Variants in FHIP2B observed in about 807,000 individuals in gnomAD.
FHIP2B encodes the protein FHF complex subunit HOOK-interacting protein 2B.
In FHIP2B, 72 loss-of-function variants were observed where a neutral mutation model predicts 84.0. The observed-to-expected ratio is 0.86, with a 90% CI of 0.71 to 1.04. The LOEUF is 1.04. Among genes scored for constraint, FHIP2B ranks in the 50% least tolerant of loss-of-function variants. The probability of loss-of-function intolerance (pLI) is 0.00; values close to 1 mark genes in which losing one functional copy is unlikely to be tolerated. For missense variants in FHIP2B, 972 were observed against 968.9 expected, an observed-to-expected ratio of 1.00 and a Z score of -0.04; for synonymous variants, 497 against 418.7, an observed-to-expected ratio of 1.19 and a Z score of -2.28.
intron 3 of FHIP2B, chr8:22,096,912 T>A: frequency 5.7e-6 from 1 of 174,518 alleles, no homozygotes; most frequent in Non-Finnish European, 1.2e-5. Flanking sequence ...GGCATGGTGA[T>A]GCGTGCCTGT....
chr8:22,098,887 T>C (rs1586334880), intron 7 of FHIP2B, 61 bp from the exon 8 acceptor site: 20 of 1,394,756 alleles, frequency 1.4e-5, no homozygotes, highest in South Asian at 9.9e-5. Flanking sequence ...TCAGGACACA[T>C]TGAGGAAGAC....
At chr8:22,094,620 C>G in intron 2 of FHIP2B, 102 bp downstream of exon 2, 1 of 1,570,886 alleles carries the variant, frequency 6.4e-7, no homozygotes, top group South Asian at 1.1e-5. Flanking sequence ...GTAACCTGCC[C>G]AGTCGTTCAG....
intron 5 of FHIP2B, 49 bp downstream of exon 5, chr8:22,097,888 G>A: frequency 6.3e-7 from 1 of 1,597,768 alleles, no homozygotes; most frequent in Non-Finnish European, 8.6e-7. Flanking sequence ...GAACCCCAGG[G>A]CAAGCCCCCT....
chr8:22,092,929 C>T (rs369743224), intron 1 of FHIP2B, among the ~76,000 whole-genome samples: 12 of 152,322 alleles, frequency 7.9e-5, no homozygotes, highest in Admixed American at 6.5e-4. Flanking sequence ...GGTTTTATAT[C>T]GTCTTCTCCA....
At chr8:22,099,497 A>G (rs1341365925) in intron 9 of FHIP2B, 137 bp downstream of exon 9, 1 of 1,123,018 alleles carries the variant, frequency 8.9e-7, no homozygotes, top group African/African-American at 1.6e-5. Flanking sequence ...GATGTTTGCC[A>G]GGCCTGCCCC....
In FHIP2B at chr8:22,104,831, T is replaced by TTAAAAAA. The variant is rs370807518; in HGVS notation, c.*1900_*1901insTAAAAAA. Reference sequence around the variant, plus strand: ...CTGGGCAATAGAGTAAGACCCTGTCTAAAAAAAAAAAAAAAAAATTTCACA... The same window carrying TTAAAAAA: ...CTGGGCAATAGAGTAAGACCCTGTCTTAAAAAAAAAAAAAAAAAAAAAAAATTTCACA... On this transcript the variant is annotated 3_prime_UTR_variant, in exon 17 of 17. Transcript: ENST00000289921. 7.9e-6 allele frequency: 1 copy of TTAAAAAA among 126,520 alleles called. No homozygotes were observed. The highest frequency in any genetic ancestry group is 3.1e-5 in the African/African-American group (1 of 31,938). The allele number at this position is 126,520 out of a possible 1,614,324, so 7.8% of individuals were successfully genotyped here.
At chr8:22,101,938 G>C (rs1826142315) in intron 14 of FHIP2B, 87 bp downstream of exon 14, 1 of 1,535,996 alleles carries the variant, frequency 6.5e-7, no homozygotes, top group East Asian at 2.4e-5. Flanking sequence ...GGTTGCCTCT[G>C]CTTCGGTTCT....
In FHIP2B at chr8:22,096,509, G is replaced by T. The variant is rs1349434449; in HGVS notation, c.297G>T (p.Glu99Asp). The T allele has an allele frequency of 2.6e-6, 4 of 1,529,426 alleles. No homozygotes were observed. Among genetic ancestry groups the T allele is most frequent in the African/African-American group, 1.4e-5 (1 of 72,560 alleles). 94.7% of individuals were successfully genotyped at this position (1,529,426 alleles called of 1,614,324 possible). A position where few individuals can be genotyped will look rare whatever the true frequency, so the allele number is the denominator to read the frequency against. The change falls in exon 3 of 17, where the codon GAG becomes GAT. Residue 99 changes from glutamate (E) to aspartate (D), a missense_variant and splice_region_variant. Transcript: ENST00000289921. ...CTCTCTGCACGCTGGGCAAGGCCGA[G>T]GTGGGAGGCCCTCTGCGCGCTGGGC... ...LETLCTLGKA[E>D]YPPGMRQQVF...
In FHIP2B at chr8:22,100,707, C is replaced by T. The variant is rs923811522; in HGVS notation, c.1455C>T (p.Gly485=). 5.0e-6 allele frequency: 8 copies of T among 1,604,570 alleles called. No individual in the cohort carries two copies. In the African/African-American group the frequency reaches 1.1e-4, roughly 21 times the overall value. ...NLEGRPYVAW[G]SPEPESYEDT... ...AGGGCCGCCCTTACGTGGCCTGGGG[C>T]TCACCAGAGCCTGAGAGCTATGAGG... is the stretch of plus-strand genomic sequence containing the variant. Residue 485 remains glycine (G), a synonymous_variant, in exon 11 of 17, where the codon GGC becomes GGT. Coordinates refer to ENST00000289921, the MANE Select transcript of FHIP2B (RefSeq NM_022749.7).
At position 22,092,593 on chromosome 8, in the gene FHIP2B, CAGAA is replaced by C. The variant is rs1279490219; in HGVS notation, c.46-1846_46-1843del. On this transcript the variant is annotated intron_variant, in intron 1 of 16. Coordinates refer to ENST00000289921, the MANE Select transcript of FHIP2B (RefSeq NM_022749.7). ...TTTTTTTTTTTTTGAGACTCTGTCT[CAGAA>C]GAAAAAAAAAAAGTTGTCATTGACC... 2.4e-5 allele frequency among the ~76,000 whole-genome samples: 3 copies of C among 126,918 alleles called. No individual in the cohort carries two copies. In the East Asian group the frequency reaches 6.7e-4, roughly 28 times the overall value. The allele number at this position is 126,918 out of a possible 152,430, so 83.3% of individuals were successfully genotyped here. A position where few individuals can be genotyped will look rare whatever the true frequency, so the allele number is the denominator to read the frequency against.
At chr8:22,101,609 C>G in intron 13 of FHIP2B, 79 bp downstream of exon 13, 1 of 1,558,738 alleles carries the variant, frequency 6.4e-7, no homozygotes, top group Non-Finnish European at 8.7e-7. Context: ...CCGCCTCTCT[C>G]ATCTGCCCAA....
chr8:22,098,034 C>A, intron 5 of FHIP2B, 34 bp from the exon 6 acceptor site: 1 of 1,561,470 alleles, frequency 6.4e-7, no homozygotes, highest in Non-Finnish European at 8.7e-7. Flanking sequence ...AAGTGGTCCC[C>A]ACCAGGTCTG....
Position 22,101,831 on chromosome 8 carries a change from A to T in FHIP2B, c.1831A>T (p.Met611Leu), listed in dbSNP as rs992310835. ...GHFLRVLFDR[M>L]SRILDQPYSL... ...CTTCCTCCGAGTGCTGTTTGACCGC[A>T]TGTCCCGGATTCTGGATCAGGTAGC... The change falls in exon 14 of 17, where the codon ATG (methionine) becomes TTG (leucine). Residue 611 changes from methionine (M) to leucine (L), a missense_variant. Transcript: ENST00000289921. 6.2e-7 allele frequency: 1 copy of T among 1,613,526 alleles called. No individual in the cohort carries two copies. The highest frequency in any genetic ancestry group is 8.5e-7 in the Non-Finnish European group (1 of 1,179,786).
In FHIP2B at chr8:22,102,624, G is replaced by C; in HGVS notation, c.2089G>C (p.Glu697Gln). The C allele has an allele frequency of 6.4e-7, 1 of 1,562,882 alleles. No individual in the cohort carries two copies. Among genetic ancestry groups the C allele is most frequent in the Non-Finnish European group, 8.7e-7 (1 of 1,154,010 alleles). The stretch of plus-strand genomic sequence containing the variant: ...GCAGTTGACGGGCCAGGCTCCTGGG[G>C]AGCAGTGAGTACCAAGGGTGCCAGG... The part of the protein sequence containing the change: ...RKQLTGQAPG[E>Q]QLDHQTLLQG... The change falls in exon 16 of 17, where the codon GAG becomes CAG. Residue 697 changes from glutamate (E) to glutamine (Q), a missense_variant. By Grantham distance (29) the Glu-to-Gln change is conservative. Coordinates refer to ENST00000289921, the MANE Select transcript of FHIP2B (RefSeq NM_022749.7).
rs929732235 is a variant in FHIP2B at position 22,098,164 on chromosome 8, G to A, written c.622G>A (p.Gly208Ser). ...CGGGGACAAGGACTGCTCCCACGATGGTGCTCCTGCCAGGCCCCAGCTGGA... is the reference window on the plus strand; with the variant it reads ...CGGGGACAAGGACTGCTCCCACGATAGTGCTCCTGCCAGGCCCCAGCTGGA... The part of the protein sequence containing the change: ...SHGDKDCSHD[G>S]APARPQLDGE... The change falls in exon 6 of 17, where the codon GGT (glycine) becomes AGT (serine). Residue 208 changes from glycine (G) to serine (S), a missense_variant. Transcript: ENST00000289921. The A allele has an allele frequency of 3.2e-6, 5 of 1,575,478 alleles. No homozygotes were observed. The highest frequency in any genetic ancestry group is 4.3e-6 in the Non-Finnish European group (5 of 1,161,000).
chr8:22,101,566 C>T (rs1380913574), intron 13 of FHIP2B, 36 bp downstream of exon 13: 3 of 1,593,774 alleles, frequency 1.9e-6, no homozygotes, highest in African/African-American at 2.7e-5. Context: ...CACTTCCTGT[C>T]CTTCAGAACA....
At chr8:22,098,839 G>T in intron 7 of FHIP2B, 109 bp from the exon 8 acceptor site, 1 of 1,048,134 alleles carries the variant, frequency 9.5e-7, no homozygotes, top group Non-Finnish European at 1.4e-6. Flanking sequence ...CTGATCCCCA[G>T]CCACAGAGGT....
chr8:22,090,073 GCTGGCAGGCAGCCTACTAC>G (rs1370553822), intron 1 of FHIP2B, among the ~76,000 whole-genome samples: 1 of 150,160 alleles, frequency 6.7e-6, no homozygotes, highest in African/African-American at 2.5e-5. Flanking sequence ...GGGGCTGCAG[GCTGGCAGGCAGCCTACTAC>G]TAGGGTTCGT....
chr8:22,098,907 C>T (rs545626595), intron 7 of FHIP2B, 41 bp from the exon 8 acceptor site: 6 of 1,508,790 alleles, frequency 4.0e-6, no homozygotes, highest in Non-Finnish European at 3.6e-6. Context: ...CCTTGAAGCT[C>T]CTTCTCCACT....
Sources: allele counts gnomAD v4.1 joint callset (sites outside exome capture counted in the v4.1 genomes callset), GRCh38; gene constraint gnomAD v4.1.1; transcripts MANE v1.5; gene names NCBI Gene and HGNC (gene_info 2026-07-23, HGNC 2026-07-21).